The following GALNT17 variants were observed in gnomAD, a reference collection of about 807,000 sequenced individuals.
The protein encoded by GALNT17 is polypeptide N-acetylgalactosaminyltransferase 17, also known as UDP-GalNAc:polypeptide N-acetylgalactosaminyltransferase-like 3.
Under a neutral mutation model 63.7 loss-of-function variants are expected in GALNT17, and 29 were observed. The ratio of observed to expected loss-of-function variants is 0.46; its 90% confidence interval spans 0.34 to 0.62. The LOEUF (loss-of-function observed/expected upper bound fraction) is 0.62. GALNT17 is among the 20% of genes least tolerant of loss of function. GALNT17 has a pLI of 0.01. For synonymous variants in GALNT17, 305 were observed against 318.3 expected (o/e 0.96, Z 0.45); for missense variants, 603 against 799.6 (o/e 0.75, Z 2.97).
intron 1 of GALNT17, among the ~76,000 whole-genome samples, chr7:71,177,006 A>G (rs1303460499): frequency 6.6e-6 from 1 of 152,078 alleles, no homozygotes; most frequent in Non-Finnish European, 1.5e-5. Flanking sequence ...GTAGTTACTA[A>G]AAGGACAGAG....
intron 6 of GALNT17, among the ~76,000 whole-genome samples, chr7:71,582,027 G>A (rs1286215804): frequency 6.6e-6 from 1 of 152,124 alleles, no homozygotes; most frequent in Non-Finnish European, 1.5e-5. Context: ...GTTACAGCAG[G>A]TAGTGGCCAT....
chr7:71,186,199 T>C (rs1788847951), intron 1 of GALNT17, among the ~76,000 whole-genome samples: 1 of 152,224 alleles, frequency 6.6e-6, no homozygotes, highest in African/African-American at 2.4e-5. Flanking sequence ...ATTTTCTGGC[T>C]AATTTCCTTA....
At chr7:71,287,686 G>T (rs897013931) in intron 1 of GALNT17, among the ~76,000 whole-genome samples, 3 of 152,098 alleles carry the variant, frequency 2.0e-5, no homozygotes, top group Non-Finnish European at 2.9e-5. Context: ...CACATATTTC[G>T]TATGTTATAT....
chr7:71,222,366 C>T (rs954701220), intron 1 of GALNT17, among the ~76,000 whole-genome samples: 5 of 152,112 alleles, frequency 3.3e-5, no homozygotes, highest in Admixed American at 2.0e-4. Flanking sequence ...GATCTCGGCT[C>T]ACTGCAACCT....
chr7:71,158,806 A>C (rs971604557), intron 1 of GALNT17, among the ~76,000 whole-genome samples: 2 of 150,742 alleles, frequency 1.3e-5, no homozygotes, highest in African/African-American at 4.9e-5. Context: ...CAATCTCCTG[A>C]CCTCGTGGTC....
chr7:71,611,652 AAAAC>A (rs1337702278), intron 6 of GALNT17, among the ~76,000 whole-genome samples: 3 of 152,088 alleles, frequency 2.0e-5, no homozygotes, highest in Admixed American at 2.0e-4. Context: ...ACATCCAAAA[AAAAC>A]ACGCACTTGC....
chr7:71,625,909 T>C (rs1006393477), intron 6 of GALNT17, among the ~76,000 whole-genome samples: 4 of 152,010 alleles, frequency 2.6e-5, no homozygotes, highest in African/African-American at 4.8e-5. Flanking sequence ...AATAAGGTCA[T>C]TGGGGTGGAC....
At chr7:71,348,464 C>A (rs959722741) in intron 2 of GALNT17, among the ~76,000 whole-genome samples, 28 of 152,264 alleles carry the variant, frequency 1.8e-4, no homozygotes, top group Non-Finnish European at 2.2e-4. Context: ...TTCTAGAGAG[C>A]TTTCTGGACA....
At chr7:71,424,035 G>C (rs1409567976) in intron 5 of GALNT17, among the ~76,000 whole-genome samples, 1 of 152,206 alleles carries the variant, frequency 6.6e-6, no homozygotes, top group Non-Finnish European at 1.5e-5. Context: ...CAGCAGAGAA[G>C]GTAATCTTTT....
At chr7:71,625,263 G>C (rs369955564) in intron 6 of GALNT17, among the ~76,000 whole-genome samples, 1 of 152,120 alleles carries the variant, frequency 6.6e-6, no homozygotes, top group African/African-American at 2.4e-5. Context: ...CCCTGACTCA[G>C]CCTCCCGAGT....
At chr7:71,256,476 CAA>C (rs1790291622) in intron 1 of GALNT17, among the ~76,000 whole-genome samples, 1 of 152,190 alleles carries the variant, frequency 6.6e-6, no homozygotes, top group Non-Finnish European at 1.5e-5. Flanking sequence ...GAAGCTGAGA[CAA>C]GAGAATTGCT....
chr7:71,334,933 G>A (rs1791871376), intron 1 of GALNT17, among the ~76,000 whole-genome samples: 1 of 152,166 alleles, frequency 6.6e-6, no homozygotes. Flanking sequence ...TCTGTGACTT[G>A]CTGTTTTTAT....
intron 9 of GALNT17, among the ~76,000 whole-genome samples, chr7:71,695,063 C>T (rs1242177813): frequency 6.6e-6 from 1 of 152,232 alleles, no homozygotes; most frequent in Non-Finnish European, 1.5e-5. Flanking sequence ...ACCAATTCAG[C>T]AGTCAAAGGT....
chr7:71,401,517 G>A (rs1793240683), intron 3 of GALNT17, among the ~76,000 whole-genome samples: 1 of 152,192 alleles, frequency 6.6e-6, no homozygotes, highest in Non-Finnish European at 1.5e-5. Flanking sequence ...TGGCCTGTTA[G>A]GGACTAGGCC....
chr7:71,380,425 T>C (rs1347490579), intron 2 of GALNT17, among the ~76,000 whole-genome samples: 1 of 152,122 alleles, frequency 6.6e-6, no homozygotes, highest in Non-Finnish European at 1.5e-5. Context: ...AGCCTTGAAC[T>C]CCTGGGCTCA....
intron 6 of GALNT17, among the ~76,000 whole-genome samples, chr7:71,626,652 T>G (rs1790380723): frequency 6.6e-6 from 1 of 152,184 alleles, no homozygotes; most frequent in African/African-American, 2.4e-5. Context: ...GAGCCCTGAG[T>G]GCTGAAAGTT....
intron 5 of GALNT17, among the ~76,000 whole-genome samples, chr7:71,567,171 C>T (rs1789362627): frequency 6.6e-6 from 1 of 152,118 alleles, no homozygotes; most frequent in Non-Finnish European, 1.5e-5. Context: ...TGATGCTTTT[C>T]CAGACTAAAG....
intron 1 of GALNT17, among the ~76,000 whole-genome samples, chr7:71,278,490 T>A (rs1790721007): frequency 6.6e-6 from 1 of 152,240 alleles, no homozygotes; most frequent in Non-Finnish European, 1.5e-5. Flanking sequence ...ATTACTCCAA[T>A]CTCTGCCTCT....
intron 5 of GALNT17, among the ~76,000 whole-genome samples, chr7:71,446,100 C>G (rs1192914075): frequency 6.6e-6 from 1 of 152,132 alleles, no homozygotes; most frequent in East Asian, 1.9e-4. Context: ...AATTAGAGCT[C>G]CATAATTTGT....
Sources: allele counts gnomAD v4.1 joint callset (sites outside exome capture counted in the v4.1 genomes callset), GRCh38; gene constraint gnomAD v4.1.1; transcripts MANE v1.5; gene names NCBI Gene and HGNC (gene_info 2026-07-23, HGNC 2026-07-21).